Variants in LNX1 observed in about 807,000 individuals in gnomAD.
LNX1 encodes the protein E3 ubiquitin-protein ligase LNX.
Under a neutral mutation model 68.4 loss-of-function variants are expected in LNX1, and 54 were observed. That is an observed-to-expected ratio of 0.79 (90% CI 0.63 to 0.99). The LOEUF is 0.99. LNX1 is among the 50% of genes least tolerant of loss of function. The pLI is 0.00. For synonymous variants in LNX1, 336 were observed against 350.0 expected, an observed-to-expected ratio of 0.96 and a Z score of 0.45; for missense variants, 906 against 926.4, an observed-to-expected ratio of 0.98 and a Z score of 0.29.
intron 9 of LNX1, among the ~76,000 whole-genome samples, chr4:53,465,360 G>GAGA (rs1475283977): frequency 1.3e-5 from 2 of 152,288 alleles, no homozygotes; most frequent in Non-Finnish European, 2.9e-5. Context: ...ACATAATAAA[G>GAGA]AGAATAAACT....
chr4:53,476,117 T>C (rs1723543350), intron 9 of LNX1, among the ~76,000 whole-genome samples: 1 of 151,974 alleles, frequency 6.6e-6, no homozygotes, highest in East Asian at 1.9e-4. Context: ...GGCAACATGG[T>C]GAATCCCCGT....
chr4:53,533,029 AC>A (rs1337386341), intron 2 of LNX1, among the ~76,000 whole-genome samples: 1 of 152,180 alleles, frequency 6.6e-6, no homozygotes, highest in Non-Finnish European at 1.5e-5. Flanking sequence ...CTCCAAAAGG[AC>A]CCTGTTATTA....
At chr4:53,508,427 T>C (rs1726085287) in intron 2 of LNX1, 200 bp from the exon 3 acceptor site, 1 of 594,116 alleles carries the variant, frequency 1.7e-6, no homozygotes, top group Non-Finnish European at 2.7e-6. Context: ...ATTCATAATT[T>C]GAGATTTTTT....
intron 10 of LNX1, 73 bp from the exon 11 acceptor site, chr4:53,461,115 G>T: frequency 7.6e-7 from 1 of 1,323,444 alleles, no homozygotes; most frequent in Non-Finnish European, 1.0e-6. Flanking sequence ...GTTTATCTTA[G>T]TGGTGCTAGA....
intron 9 of LNX1, among the ~76,000 whole-genome samples, chr4:53,464,886 A>C (rs1376704343): frequency 3.9e-5 from 6 of 152,180 alleles, no homozygotes; most frequent in East Asian, 1.9e-4. Flanking sequence ...AATTTAAATT[A>C]TCTCTCAGTG....
chr4:53,568,176 G>A (rs545525801), intron 2 of LNX1, among the ~76,000 whole-genome samples: 2,016 of 151,874 alleles, frequency 0.013, 23 homozygotes, highest in Non-Finnish European at 0.023. Context: ...TACCAAAGCC[G>A]GGCAGAGACA....
At chr4:53,599,637 C>T (rs763529044) in intron 2 of LNX1, among the ~76,000 whole-genome samples, 9 of 152,116 alleles carry the variant, frequency 5.9e-5, no homozygotes, top group Non-Finnish European at 1.2e-4. Context: ...GATCGGGACC[C>T]CTTTCCTGTA....
At chr4:53,549,501 C>A (rs1167899072) in intron 2 of LNX1, 1 of 96,514 alleles carries the variant, frequency 1.0e-5, no homozygotes, top group African/African-American at 3.3e-5. Context: ...CTAATTGCAA[C>A]GTGTAGATTG....
intron 1 of LNX1, among the ~76,000 whole-genome samples, chr4:53,590,200 T>C (rs147059292): frequency 2.9e-4 from 44 of 152,200 alleles, no homozygotes; most frequent in African/African-American, 1.0e-3. Flanking sequence ...TTCTTAGTGG[T>C]GAGGAACGAC....
At chr4:53,494,163 G>A (rs1050901905) in intron 6 of LNX1, among the ~76,000 whole-genome samples, 2 of 152,112 alleles carry the variant, frequency 1.3e-5, no homozygotes, top group East Asian at 1.9e-4. Context: ...ATTGAATCAC[G>A]GGAGTGGTTT....
chr4:53,542,314 T>C (rs1166899249), intron 2 of LNX1, among the ~76,000 whole-genome samples: 1 of 152,226 alleles, frequency 6.6e-6, no homozygotes, highest in Non-Finnish European at 1.5e-5. Flanking sequence ...ATTGTAATAC[T>C]GTTGTTGTAA....
At chr4:53,593,417 C>G (rs147069224), upstream of LNX1, among the ~76,000 whole-genome samples, 41 of 152,236 alleles carry the variant, frequency 2.7e-4, no homozygotes, top group African/African-American at 8.9e-4. Flanking sequence ...AAAGCTTCAC[C>G]GAACAGCCTG....
intron 2 of LNX1, among the ~76,000 whole-genome samples, chr4:53,543,835 A>G (rs1728915915): frequency 1.3e-5 from 2 of 152,204 alleles, no homozygotes; most frequent in South Asian, 4.1e-4. Context: ...TGGGAAAGAA[A>G]AAACAAATCT....
intron 2 of LNX1, among the ~76,000 whole-genome samples, chr4:53,568,594 G>C (rs1730890652): frequency 6.6e-6 from 1 of 151,226 alleles, no homozygotes; most frequent in African/African-American, 2.5e-5. Flanking sequence ...CACAAGACAG[G>C]GGGGCACAAG....
chr4:53,610,693 G>C (rs1733450264), intron 2 of LNX1, among the ~76,000 whole-genome samples: 1 of 126,092 alleles, frequency 7.9e-6, no homozygotes, highest in East Asian at 2.6e-4. Flanking sequence ...GGGCGACAGA[G>C]CAAGACTCCC....
chr4:53,636,716 A>G (rs59307089), intron 1 of LNX1, among the ~76,000 whole-genome samples: 3,518 of 152,206 alleles, frequency 0.023, 152 homozygotes, highest in African/African-American at 0.077. Flanking sequence ...ACATTTTCCT[A>G]TCAGGGAGCA....
At chr4:53,512,715 T>G (rs1726444200) in intron 2 of LNX1, among the ~76,000 whole-genome samples, 1 of 152,220 alleles carries the variant, frequency 6.6e-6, no homozygotes, top group Non-Finnish European at 1.5e-5. Context: ...ATTCTTTCTT[T>G]CAGGCAGCGA....
At chr4:53,549,926 C>T (rs1221973723) in intron 2 of LNX1, among the ~76,000 whole-genome samples, 5 of 152,138 alleles carry the variant, frequency 3.3e-5, no homozygotes, top group Admixed American at 6.5e-5. Context: ...GCACAATTTG[C>T]CAAGCATCAG....
At chr4:53,555,907 G>T (rs1177873477) in intron 2 of LNX1, among the ~76,000 whole-genome samples, 1 of 152,128 alleles carries the variant, frequency 6.6e-6, no homozygotes, top group Non-Finnish European at 1.5e-5. Context: ...AGTGGTATAA[G>T]GACCTTCCTT....
Sources: gnomAD v4.1 joint callset for allele counts (sites outside exome capture counted in the v4.1 genomes callset) on GRCh38, gnomAD v4.1.1 for gene constraint, MANE v1.5 for transcripts, NCBI Gene and HGNC (gene_info 2026-07-23, HGNC 2026-07-21) for gene names.